The following TMEM62 variants were observed in gnomAD, a reference collection of about 807,000 sequenced individuals.
The protein encoded by TMEM62 is transmembrane protein 62.
Under a neutral mutation model 70.4 loss-of-function variants are expected in TMEM62, and 41 were observed. The observed-to-expected ratio is 0.58, with a 90% CI of 0.45 to 0.76. The LOEUF (loss-of-function observed/expected upper bound fraction) is 0.76, where lower values mean the gene tolerates loss of function less well. Ranked by LOEUF, TMEM62 falls within the 30% of genes least tolerant of loss-of-function variation. The probability of loss-of-function intolerance (pLI) is 0.00; values close to 1 mark genes in which losing one functional copy is unlikely to be tolerated. For missense variants in TMEM62, 688 were observed against 788.5 expected (o/e 0.87, Z 1.53); for synonymous variants, 268 against 291.0 (o/e 0.92, Z 0.80).
intron 2 of TMEM62, 130 bp downstream of exon 2, chr15:43,134,498 T>C (rs1056258567): frequency 1.5e-6 from 1 of 668,492 alleles, no homozygotes; most frequent in Non-Finnish European, 2.6e-6. Context: ...CTCTGTGAGG[T>C]GGAAGAGATT....
chr15:43,151,071 A>G (rs2037307965), intron 7 of TMEM62, among the ~76,000 whole-genome samples: 1 of 152,248 alleles, frequency 6.6e-6, no homozygotes, highest in African/African-American at 2.4e-5. Context: ...AATGCTAGGC[A>G]TGGTGGCTTA....
chr15:43,179,210 C>T (rs1309012679), intron 12 of TMEM62, among the ~76,000 whole-genome samples: 1 of 151,998 alleles, frequency 6.6e-6, no homozygotes, highest in African/African-American at 2.4e-5. Context: ...CCAGCCTGGG[C>T]AACACAGCAA....
intron 13 of TMEM62, among the ~76,000 whole-genome samples, chr15:43,183,418 C>T (rs763325916): frequency 2.0e-5 from 3 of 152,198 alleles, no homozygotes; most frequent in Non-Finnish European, 4.4e-5. Flanking sequence ...TGGGTCCTGC[C>T]GACTGCCCCA....
In TMEM62 at chr15:43,184,620, GC is replaced by G; in HGVS notation, c.*37del. 6.3e-7 allele frequency: 1 copy of G among 1,586,310 alleles called. No individual in the cohort carries two copies. The highest frequency in any genetic ancestry group is 8.6e-7 in the Non-Finnish European group (1 of 1,167,114). ...TCTCACCACTGGCAGCTGGGCAGAA[GC>G]CCAGCCTCTGTGTCTGTAGCCCAGG... On this transcript the variant is annotated 3_prime_UTR_variant, in exon 14 of 14. Coordinates refer to ENST00000260403, the MANE Select transcript of TMEM62 (RefSeq NM_024956.4).
chr15:43,151,479 TA>T (rs1028956172), intron 7 of TMEM62, among the ~76,000 whole-genome samples: 2 of 152,142 alleles, frequency 1.3e-5, no homozygotes, highest in African/African-American at 4.8e-5. Context: ...AAAATTGTCT[TA>T]AAGTACAGGG....
chr15:43,181,319 A>AT lies in TMEM62; in HGVS notation c.1605+23dup, dbSNP rs758832496. 6 of 1,492,568 alleles carry AT rather than the reference A, an allele frequency of 4.0e-6. No homozygotes were observed. In the Admixed American group the frequency reaches 6.7e-5, roughly 17 times the overall value. The allele number at this position is 1,492,568 out of a possible 1,614,324, so 92.5% of individuals were successfully genotyped here. ...CTCCAGGTAAGAAGTCAGAAAAGCA[A>AT]TTTAAGAACATCTTGGACTTGTCAG... On this transcript the variant is annotated intron_variant, in intron 13 of 13. Coordinates refer to ENST00000260403, the MANE Select transcript of TMEM62 (RefSeq NM_024956.4).
At chr15:43,167,659 G>A in intron 10 of TMEM62, among the ~76,000 whole-genome samples, 1 of 150,348 alleles carries the variant, frequency 6.7e-6, no homozygotes, top group Non-Finnish European at 1.5e-5. Flanking sequence ...CAGGCAGAGG[G>A]GCTCCTCACA....
At chr15:43,141,068 T>C (rs540872069) in intron 4 of TMEM62, among the ~76,000 whole-genome samples, 2 of 152,362 alleles carry the variant, frequency 1.3e-5, no homozygotes, top group South Asian at 4.1e-4. Flanking sequence ...AATGGCATTG[T>C]ACTACAGGAC....
Position 43,148,813 on chromosome 15 carries a change from T to C in TMEM62, c.677T>C (p.Ile226Thr). Residue 226 changes from isoleucine (I) to threonine (T), a missense_variant, in exon 6 of 14, where the codon ATT (isoleucine) becomes ACT (threonine). By Grantham distance (89) the Ile-to-Thr change is moderately conservative. Coordinates refer to ENST00000260403, the MANE Select transcript of TMEM62 (RefSeq NM_024956.4). ...GAAAGCAGTCGGAGCAACCATACAA[T>C]TTGGTTTGGACACTTTACAACATCC... ...AKESSRSNHT[I>T]WFGHFTTSTI... 6.2e-7 allele frequency: 1 copy of C among 1,614,102 alleles called. No individual in the cohort carries two copies. Among genetic ancestry groups the C allele is most frequent in the Non-Finnish European group, 8.5e-7 (1 of 1,180,006 alleles).
rs372807086 is a variant in TMEM62, at chr15:43,169,566, T to G, written c.1297-27T>G. 6.1e-5 allele frequency: 98 copies of G among 1,599,118 alleles called. No homozygotes were observed. The African/African-American group carries it at 1.2e-3, about 19-fold the overall frequency. On this transcript the variant is annotated intron_variant, in intron 10 of 13. Transcript: ENST00000260403. ...ACTGAAAGTGTACCCATGTATCTAT[T>G]TCACGTTAACATCTATTTCCCTGCA...
intron 13 of TMEM62, among the ~76,000 whole-genome samples, chr15:43,183,075 G>A (rs1398777746): frequency 6.6e-6 from 1 of 152,066 alleles, no homozygotes; most frequent in East Asian, 1.9e-4. Context: ...GTTCCTCTCT[G>A]TTTTTCCAGT....
At chr15:43,177,386 C>G (rs1331956726) in intron 11 of TMEM62, among the ~76,000 whole-genome samples, 3 of 152,038 alleles carry the variant, frequency 2.0e-5, no homozygotes, top group Admixed American at 6.5e-5. Context: ...AATAGGAACA[C>G]TTTTACACTG....
chr15:43,160,616 A>T, intron 9 of TMEM62, 65 bp from the exon 10 acceptor site: 1 of 817,778 alleles, frequency 1.2e-6, no homozygotes, highest in Non-Finnish European at 2.0e-6. Flanking sequence ...TTCTTATTTT[A>T]ATTTAGAACA....
chr15:43,171,662 C>G (rs1176635044), intron 11 of TMEM62, among the ~76,000 whole-genome samples: 1 of 126,318 alleles, frequency 7.9e-6, no homozygotes, highest in Non-Finnish European at 1.6e-5. Context: ...GAATTTCGCT[C>G]TGTCCCCCAG....
chr15:43,145,402 T>G (rs2036549502), intron 4 of TMEM62, among the ~76,000 whole-genome samples: 2 of 152,094 alleles, frequency 1.3e-5, no homozygotes, highest in South Asian at 2.1e-4. Context: ...AGATGGGGTT[T>G]CACCATGTTA....
chr15:43,135,753 C>CATAT, intron 3 of TMEM62, 104 bp downstream of exon 3: 1 of 1,313,628 alleles, frequency 7.6e-7, no homozygotes, highest in Non-Finnish European at 1.0e-6. Flanking sequence ...GGGACATTTA[C>CATAT]ATATACTAAA....
Position 43,184,636 on chromosome 15 carries a change from T to C in TMEM62, c.*50T>C. The C allele has an allele frequency of 6.5e-7, 1 of 1,546,266 alleles. No homozygotes were observed. Among genetic ancestry groups the C allele is most frequent in the South Asian group, 1.1e-5 (1 of 87,650 alleles). ...TGGGCAGAAGCCCAGCCTCTGTGTC[T>C]GTAGCCCAGGCCTCTACCCCAGTAG... On this transcript the variant is annotated 3_prime_UTR_variant, in exon 14 of 14. Coordinates refer to ENST00000260403, the MANE Select transcript of TMEM62 (RefSeq NM_024956.4).
chr15:43,172,813 A>G (rs1241519851), intron 11 of TMEM62, among the ~76,000 whole-genome samples: 3 of 152,240 alleles, frequency 2.0e-5, no homozygotes, highest in African/African-American at 7.2e-5. Context: ...AAAAAAATAA[A>G]AACATATAGA....
intron 8 of TMEM62, among the ~76,000 whole-genome samples, chr15:43,153,849 T>TA (rs1395297300): frequency 1.3e-5 from 2 of 152,246 alleles, no homozygotes; most frequent in Non-Finnish European, 2.9e-5. Flanking sequence ...TTCTTTTAGA[T>TA]ATATATCCAG....
Sources: gnomAD v4.1 joint callset for allele counts (sites outside exome capture counted in the v4.1 genomes callset) on GRCh38, gnomAD v4.1.1 for gene constraint, MANE v1.5 for transcripts, NCBI Gene and HGNC (gene_info 2026-07-23, HGNC 2026-07-21) for gene names.